DENND1A: variants seen among roughly 807,000 people sequenced by gnomAD.
DENND1A encodes the protein DENN domain-containing protein 1A.
Under a neutral mutation model 113.7 loss-of-function variants are expected in DENND1A, and 51 were observed. The observed-to-expected ratio is 0.45, with a 90% CI of 0.36 to 0.57. DENND1A has a LOEUF of 0.57. Among genes scored for constraint, DENND1A ranks in the 20% least tolerant of loss-of-function variants. The probability of loss-of-function intolerance (pLI) is 0.00; values close to 1 mark genes in which losing one functional copy is unlikely to be tolerated. For missense variants in DENND1A, 1,258 were observed against 1,395.9 expected (o/e 0.90, Z 1.57); for synonymous variants, 565 against 570.8 (o/e 0.99, Z 0.14).
intron 3 of DENND1A, among the ~76,000 whole-genome samples, chr9:123,771,627 G>A (rs1026334219): frequency 6.6e-6 from 1 of 152,138 alleles, no homozygotes; most frequent in Admixed American, 6.6e-5. Flanking sequence ...CCTTGGCTAC[G>A]AGAAGGCATT....
In DENND1A at chr9:123,381,757, C is replaced by G; in HGVS notation, c.2888G>C (p.Gly963Ala). ...CGGCTGTAGGGGGCTCGTGTGGGTG[C>G]CCATGGGCATCTGGCCAAAGAGGTT... ...MPNLFGQMPM[G>A]THTSPLQPLG... The change falls in exon 24 of 24, where the codon GGC becomes GCC. Residue 963 changes from glycine (G) to alanine (A), a missense_variant. Transcript: ENST00000394215. The surrounding 1 kb of genome is among the most constrained non-coding windows in gnomAD (Gnocchi z 4.7). 6.6e-7 allele frequency: 1 copy of G among 1,509,668 alleles called. No individual in the cohort carries two copies. Among genetic ancestry groups the G allele is most frequent in the Non-Finnish European group, 8.9e-7 (1 of 1,129,804 alleles). 93.5% of individuals were successfully genotyped at this position (1,509,668 alleles called of 1,614,324 possible).
chr9:123,706,798 T>C (rs1305302668), intron 5 of DENND1A, among the ~76,000 whole-genome samples: 1 of 90,436 alleles, frequency 1.1e-5, no homozygotes, highest in Non-Finnish European at 2.3e-5. Flanking sequence ...AAAAAAAAAA[T>C]AGAGAAGGGT....
chr9:123,588,638 G>GT (rs1014224664), intron 11 of DENND1A, among the ~76,000 whole-genome samples: 2 of 133,176 alleles, frequency 1.5e-5, no homozygotes, highest in Admixed American at 7.5e-5. Flanking sequence ...AAAAAAGGGG[G>GT]GGGGGGAAGA....
intron 19 of DENND1A, chr9:123,414,290 A>C (rs1231516158): frequency 7.3e-7 from 1 of 1,369,342 alleles, no homozygotes; most frequent in African/African-American, 1.5e-5. Context: ...TTCTTTGCAC[A>C]GTGCCACCAA....
At chr9:123,627,496 C>T (rs1174936155) in intron 10 of DENND1A, among the ~76,000 whole-genome samples, 3 of 152,340 alleles carry the variant, frequency 2.0e-5, no homozygotes, top group East Asian at 3.9e-4. Flanking sequence ...AATCGCAGCC[C>T]TTCGGGAGGC....
rs576855950 is a variant in DENND1A at position 123,483,529 on chromosome 9, C to T, written c.994-25632G>A. Among the ~76,000 whole-genome samples the T allele has an allele frequency of 4.6e-5, 7 of 152,386 alleles. No individual in the cohort carries two copies. The East Asian group carries it at 1.3e-3, about 29-fold the overall frequency. On this transcript the variant is annotated intron_variant, in intron 13 of 23. Coordinates refer to ENST00000394215, the MANE Select transcript of DENND1A (RefSeq NM_001352964.2). ...ACAGGCTTCCCAGGCCTAGCACTTG[C>T]TGGGTTCCCCAGCTCTGGGCTGACC...
chr9:123,532,750 C>G (rs751476047), intron 13 of DENND1A, among the ~76,000 whole-genome samples: 1 of 152,188 alleles, frequency 6.6e-6, no homozygotes, highest in African/African-American at 2.4e-5. Flanking sequence ...GCACAGAAAA[C>G]CCATCTGCCA....
At chr9:123,893,678 T>C (rs558055352) in intron 1 of DENND1A, among the ~76,000 whole-genome samples, 1 of 152,288 alleles carries the variant, frequency 6.6e-6, no homozygotes, top group Non-Finnish European at 1.5e-5. Context: ...GGAGGGAGGA[T>C]CTACAGCACT....
At position 123,779,841 on chromosome 9, in the gene DENND1A, T is replaced by C. The variant is rs1043391730; in HGVS notation, c.133-10278A>G. Among the ~76,000 whole-genome samples the C allele has an allele frequency of 5.3e-5, 8 of 151,244 alleles. No homozygotes were observed. In the South Asian group the frequency reaches 6.3e-4, roughly 12 times the overall value. On this transcript the variant is annotated intron_variant, in intron 3 of 23. Transcript: ENST00000394215. ...AGGGTGGCAGGGGCCAGATCATGGA[T>C]TAGATCCTTTCACATTCCACTTGCA...
At chr9:123,607,274 C>G (rs914483189) in intron 11 of DENND1A, among the ~76,000 whole-genome samples, 2 of 151,466 alleles carry the variant, frequency 1.3e-5, no homozygotes, top group Admixed American at 1.3e-4. Context: ...TCCAAGAAAG[C>G]AAAGTGTCAA....
At chr9:123,683,696 C>T (rs768214476) in intron 5 of DENND1A, among the ~76,000 whole-genome samples, 3 of 152,170 alleles carry the variant, frequency 2.0e-5, no homozygotes, top group Admixed American at 1.3e-4. Flanking sequence ...GTTTATAATA[C>T]GTGCTTGTTT....
rs561702165 is a variant in DENND1A at position 123,387,791 on chromosome 9, G to T, written c.1699C>A (p.Arg567=). 3 of 1,289,966 alleles carry T rather than the reference G, an allele frequency of 2.3e-6. No homozygotes were observed. Among genetic ancestry groups the T allele is most frequent in the East Asian group, 1.1e-4 (2 of 18,028 alleles). The allele number at this position is 1,289,966 out of a possible 1,614,324, so 79.9% of individuals were successfully genotyped here. The part of the protein sequence containing the change: ...SEDSSDDECQ[R]EEGPSSGFTE... The stretch of plus-strand genomic sequence containing the variant: ...AAGCCAGAGCTCGGGCCCTCTTCCC[G>T]CTGGCATTCATCATCAGAGGAGTCT... Residue 567 remains arginine, a synonymous_variant, in exon 22 of 24, where the codon CGG becomes AGG. Transcript: ENST00000394215.
chr9:123,881,949 C>G (rs1304201955), intron 1 of DENND1A, among the ~76,000 whole-genome samples: 1 of 152,110 alleles, frequency 6.6e-6, no homozygotes, highest in African/African-American at 2.4e-5. Context: ...ATCCATCTGC[C>G]CTCCTCCTTG....
Position 123,792,588 on chromosome 9 carries a change from T to C in DENND1A, c.131A>G (p.Gln44Arg), listed in dbSNP as rs556092132. Reference protein sequence around the residue: ...QRQFPEDYSDQEVLQTLTKFC... With the variant: ...QRQFPEDYSDREVLQTLTKFC... The stretch of plus-strand genomic sequence containing the variant: ...AAAAATTAATTACGCATTCCGAACC[T>C]GGTCACTGTAGTCCTCCGGGAATTG... The change falls in exon 3 of 24, where the codon CAG becomes CGG. Residue 44 changes from glutamine (Q) to arginine (R), a missense_variant and splice_region_variant. Around this residue, in one of 2 missense-constraint regions of DENND1A, gnomAD observed 99 missense variants for 164.2 expected, o/e 0.60. Coordinates refer to ENST00000394215, the MANE Select transcript of DENND1A (RefSeq NM_001352964.2). The C allele has an allele frequency of 6.2e-7, 1 of 1,612,346 alleles. No individual in the cohort carries two copies. The highest frequency in any genetic ancestry group is 1.3e-5 in the African/African-American group (1 of 75,026).
At chr9:123,841,156 G>GT (rs1431242897) in intron 2 of DENND1A, among the ~76,000 whole-genome samples, 32 of 152,116 alleles carry the variant, frequency 2.1e-4, no homozygotes, top group African/African-American at 7.2e-4. Flanking sequence ...AAGTAGTATA[G>GT]TGCTTTCCAG....
chr9:123,393,530 T>TAA (rs1159257633), intron 21 of DENND1A, among the ~76,000 whole-genome samples: 5 of 142,476 alleles, frequency 3.5e-5, no homozygotes, highest in Non-Finnish European at 4.6e-5. Context: ...GACCGCATCT[T>TAA]AAAAAAATAA....
At chr9:123,743,936 C>T (rs17216483) in intron 5 of DENND1A, among the ~76,000 whole-genome samples, 3 of 151,768 alleles carry the variant, frequency 2.0e-5, no homozygotes, top group African/African-American at 4.8e-5. Context: ...AGCGTAAGTC[C>T]GTTTCACAAA....
At chr9:123,568,398 C>G (rs2058170499) in intron 12 of DENND1A, among the ~76,000 whole-genome samples, 2 of 152,234 alleles carry the variant, frequency 1.3e-5, no homozygotes, top group Admixed American at 6.5e-5. Context: ...AGCACAGTGC[C>G]TGGCACACTG....
intron 5 of DENND1A, among the ~76,000 whole-genome samples, chr9:123,685,602 G>A (rs1219220481): frequency 6.6e-6 from 1 of 152,128 alleles, no homozygotes; most frequent in Non-Finnish European, 1.5e-5. Context: ...TTTAGAGAGT[G>A]GCTTTGTCAT....
Sources: allele counts gnomAD v4.1 joint callset (sites outside exome capture counted in the v4.1 genomes callset), GRCh38; gene constraint gnomAD v4.1.1; regional missense constraint gnomAD v4.1.1; non-coding constraint Gnocchi (gnomAD v3.1); transcripts MANE v1.5; gene names NCBI Gene and HGNC (gene_info 2026-07-23, HGNC 2026-07-21).